Variants in WWOX observed in about 807,000 individuals in gnomAD.
The protein encoded by WWOX is WW domain containing oxidoreductase.
In WWOX, 69 loss-of-function variants were observed where a neutral mutation model predicts 46.2. The ratio of observed to expected loss-of-function variants is 1.49; its 90% CI spans 1.23 to 1.82. WWOX has a LOEUF of 1.82. Ranked by LOEUF, WWOX falls within the 40% of genes most tolerant of loss-of-function variation. WWOX has a pLI of 0.00. For synonymous variants in WWOX, 359 were observed against 202.6 expected, an observed-to-expected ratio of 1.77 and a Z score of -6.56; for missense variants, 919 against 542.6, an observed-to-expected ratio of 1.69 and a Z score of -6.89.
At chr16:79,045,751 C>T (rs1033678044) in intron 8 of WWOX, among the ~76,000 whole-genome samples, 1 of 133,582 alleles carries the variant, frequency 7.5e-6, no homozygotes, top group Admixed American at 8.2e-5. Flanking sequence ...TGTAATCTCT[C>T]TGGAGCTCGT....
chr16:78,729,422 C>G (rs747781796), intron 8 of WWOX, among the ~76,000 whole-genome samples: 7 of 151,976 alleles, frequency 4.6e-5, no homozygotes, highest in African/African-American at 1.2e-4. Context: ...TGGATATGCC[C>G]TTACTTGGAA....
At chr16:78,166,782 C>T (rs1008749511) in intron 5 of WWOX, 3 of 152,028 alleles carry the variant, frequency 2.0e-5, no homozygotes, top group Non-Finnish European at 2.9e-5. Context: ...TAGTCTCGAC[C>T]TCCTGATCTC....
Position 78,166,200 on chromosome 16 carries a change from C to G in WWOX, c.516+1911C>G, listed in dbSNP as rs116035890. Among the ~76,000 whole-genome samples, 445 of 151,670 alleles carry G rather than the reference C, an allele frequency of 2.9e-3. 1 individual carries two copies. The highest frequency in any genetic ancestry group is 9.7e-3 in the African/African-American group (400 of 41,348). On this transcript the variant is annotated intron_variant, in intron 5 of 8. Coordinates refer to ENST00000566780, the MANE Select transcript of WWOX (RefSeq NM_016373.4). ...TTTTAAACTTAGTACTGCAGGAGAT[C>G]TCTTATTAGTGCATATAGATCTACT...
intron 8 of WWOX, among the ~76,000 whole-genome samples, chr16:79,129,272 G>T (rs540972903): frequency 1.1e-4 from 17 of 151,012 alleles, no homozygotes; most frequent in Admixed American, 1.1e-3. Flanking sequence ...TAGTTTTAGC[G>T]TGCTGCCCAA....
chr16:78,918,063 G>C (rs888422550), intron 8 of WWOX, among the ~76,000 whole-genome samples: 1 of 151,954 alleles, frequency 6.6e-6, no homozygotes, highest in Non-Finnish European at 1.5e-5. Context: ...TTAGCCAGGC[G>C]TGGTGGTGCA....
At chr16:78,714,571 C>T (rs991267330) in intron 8 of WWOX, among the ~76,000 whole-genome samples, 1 of 151,976 alleles carries the variant, frequency 6.6e-6, no homozygotes, top group South Asian at 2.1e-4. Context: ...ATATTCAAGA[C>T]ACTATTCTAG....
intron 8 of WWOX, among the ~76,000 whole-genome samples, chr16:78,518,198 G>A: frequency 6.6e-6 from 1 of 151,932 alleles, no homozygotes; most frequent in East Asian, 1.9e-4. Context: ...GGTAGTTGTT[G>A]CTGTTTTTGT....
At chr16:78,594,305 T>G (rs1212294056) in intron 8 of WWOX, among the ~76,000 whole-genome samples, 1 of 152,048 alleles carries the variant, frequency 6.6e-6, no homozygotes, top group Non-Finnish European at 1.5e-5. Context: ...GTAGACTGTT[T>G]TTTTTGTTTT....
chr16:78,310,815 A>G (rs763784996), intron 5 of WWOX, among the ~76,000 whole-genome samples: 4 of 152,210 alleles, frequency 2.6e-5, no homozygotes, highest in Non-Finnish European at 5.9e-5. Flanking sequence ...TTAAGCCCTG[A>G]GAGAACCCAG....
chr16:79,091,306 T>C (rs2150601517), intron 8 of WWOX, among the ~76,000 whole-genome samples: 1 of 152,306 alleles, frequency 6.6e-6, no homozygotes, highest in South Asian at 2.1e-4. Flanking sequence ...TCTCACCTTT[T>C]GCTATATGCT....
intron 5 of WWOX, among the ~76,000 whole-genome samples, chr16:78,208,588 G>T (rs943788218): frequency 3.9e-5 from 6 of 152,100 alleles, no homozygotes; most frequent in African/African-American, 1.4e-4. Context: ...AAATGCATGC[G>T]TTCATTCCTA....
At chr16:79,165,609 AG>A (rs779878467) in intron 8 of WWOX, among the ~76,000 whole-genome samples, 3 of 152,156 alleles carry the variant, frequency 2.0e-5, no homozygotes, top group Admixed American at 6.5e-5. Context: ...AGGCAGTGAA[AG>A]CGTGCTTCTC....
In WWOX at chr16:78,374,894, C is replaced by A. The variant is rs993253399; in HGVS notation, c.517-11966C>A. On this transcript the variant is annotated intron_variant, in intron 5 of 8. Transcript: ENST00000566780. ...AGAGACGGGTTTTCACCAGGTTGGC[C>A]AGCCTGGTCTCAAACTGTTGACCTT... Among the ~76,000 whole-genome samples, 5 of 152,064 alleles carry A rather than the reference C, an allele frequency of 3.3e-5. No individual in the cohort carries two copies. The East Asian group carries it at 9.7e-4, about 30-fold the overall frequency.
chr16:78,306,150 A>G (rs1228575522), intron 5 of WWOX, among the ~76,000 whole-genome samples: 1 of 152,192 alleles, frequency 6.6e-6, no homozygotes, highest in Admixed American at 6.5e-5. Context: ...TTATAGCTTA[A>G]CTACATTTAT....
chr16:78,868,069 C>G (rs867717992), intron 8 of WWOX, among the ~76,000 whole-genome samples: 7 of 152,162 alleles, frequency 4.6e-5, no homozygotes, highest in African/African-American at 9.6e-5. Context: ...TATACAAAGT[C>G]TTGTTCATGA....
At chr16:79,022,529 A>G (rs1298865129) in intron 8 of WWOX, among the ~76,000 whole-genome samples, 1 of 152,026 alleles carries the variant, frequency 6.6e-6, no homozygotes, top group Non-Finnish European at 1.5e-5. Flanking sequence ...TATGTTCCCG[A>G]TGATTGCTCA....
rs572275540 is a variant in WWOX, at chr16:78,512,992, C to A, written c.1056+80240C>A. ...GGGTCATCACAGCTGCTGCTTTGCA[C>A]ATTTAGGAGATATTTGTGGACCTTT... On this transcript the variant is annotated intron_variant, in intron 8 of 8. Coordinates refer to ENST00000566780, the MANE Select transcript of WWOX (RefSeq NM_016373.4). 9.2e-5 allele frequency among the ~76,000 whole-genome samples: 14 copies of A among 152,276 alleles called. No homozygotes were observed. In the East Asian group the frequency reaches 2.7e-3, roughly 29 times the overall value.
At chr16:79,009,641 A>G (rs935360867) in intron 8 of WWOX, among the ~76,000 whole-genome samples, 3 of 152,224 alleles carry the variant, frequency 2.0e-5, no homozygotes, top group South Asian at 4.2e-4. Flanking sequence ...GGTAAAGACA[A>G]GGTTTCCCCA....
chr16:78,826,037 C>G, intron 8 of WWOX: 1 of 476,218 alleles, frequency 2.1e-6, no homozygotes. Flanking sequence ...TATTCGGAGT[C>G]TGGATGTTGC....
Sources: allele counts gnomAD v4.1 joint callset (sites outside exome capture counted in the v4.1 genomes callset), GRCh38; gene constraint gnomAD v4.1.1; transcripts MANE v1.5; gene names NCBI Gene and HGNC (gene_info 2026-07-23, HGNC 2026-07-21).